Variants in C1QTNF3 observed in about 807,000 individuals in gnomAD.
The protein encoded by C1QTNF3 is C1q and TNF related 3.
In C1QTNF3, 26 loss-of-function variants were observed where a neutral mutation model predicts 32.6. The observed-to-expected ratio is 0.80, with a 90% CI of 0.58 to 1.11. The LOEUF is 1.11. C1QTNF3 is among the 50% of genes least tolerant of loss of function. C1QTNF3 has a pLI of 0.00. For synonymous variants in C1QTNF3, 155 were observed against 146.0 expected (o/e 1.06, Z -0.44); for missense variants, 362 against 398.2 (o/e 0.91, Z 0.77).
At chr5:34,061,669 G>C in the C1QTNF3 span, among the ~76,000 whole-genome samples, 2 of 152,172 alleles carry the variant, frequency 1.3e-5, no homozygotes, top group East Asian at 3.8e-4. Flanking sequence ...CCAGCTCTAT[G>C]TTGGCACCTT....
At chr5:34,159,281 A>G in the C1QTNF3 span, among the ~76,000 whole-genome samples, 1 of 152,134 alleles carries the variant, frequency 6.6e-6, no homozygotes, top group Admixed American at 6.5e-5. Context: ...AAACTTGAAC[A>G]AAGACATGCA....
the C1QTNF3 span, among the ~76,000 whole-genome samples, chr5:34,160,908 GA>G: frequency 4.0e-5 from 6 of 151,612 alleles, no homozygotes; most frequent in Admixed American, 2.0e-4. Context: ...TTTATATTGG[GA>G]AAAAAAAGAA....
upstream of C1QTNF3, among the ~76,000 whole-genome samples, chr5:34,045,125 A>C (rs762315540): frequency 7.2e-5 from 11 of 152,136 alleles, no homozygotes; most frequent in African/African-American, 2.7e-4. Flanking sequence ...AATCTAGGTC[A>C]CCCAATTCAC....
At chr5:34,056,477 T>TAGAG in the C1QTNF3 span, among the ~76,000 whole-genome samples, 47 of 87,238 alleles carry the variant, frequency 5.4e-4, no homozygotes, top group East Asian at 7.1e-4. Flanking sequence ...TATATATATA[T>TAGAG]ATAGAGAGAG....
intron 4 of C1QTNF3, among the ~76,000 whole-genome samples, chr5:34,028,129 C>T (rs299599): frequency 0.4 from 61,218 of 152,014 alleles, 13,615 homozygotes; most frequent in African/African-American, 0.58. Flanking sequence ...CCCGCCACCA[C>T]GCCCGGCTAA....
chr5:34,224,849 A>T, the C1QTNF3 span, among the ~76,000 whole-genome samples: 1 of 152,154 alleles, frequency 6.6e-6, no homozygotes, highest in Non-Finnish European at 1.5e-5. Context: ...AGAAACTACC[A>T]TCAGAGTGAA....
chr5:34,194,655 A>G, the C1QTNF3 span, among the ~76,000 whole-genome samples: 1 of 152,206 alleles, frequency 6.6e-6, no homozygotes, highest in Non-Finnish European at 1.5e-5. Flanking sequence ...CACCTATTAC[A>G]TATATTTTGT....
the C1QTNF3 span, among the ~76,000 whole-genome samples, chr5:34,227,682 T>G: frequency 6.6e-6 from 1 of 151,986 alleles, no homozygotes; most frequent in African/African-American, 2.4e-5. Flanking sequence ...TCTTTCATTC[T>G]ACTGGCAATG....
At chr5:34,169,096 T>C in the C1QTNF3 span, 2 of 152,276 alleles carry the variant, frequency 1.3e-5, no homozygotes, top group African/African-American at 4.8e-5. Flanking sequence ...CAAAGTACTC[T>C]CTTAGACGCA....
the C1QTNF3 span, among the ~76,000 whole-genome samples, chr5:34,183,160 G>A: frequency 1.1e-4 from 16 of 151,598 alleles, no homozygotes; most frequent in Non-Finnish European, 1.3e-4. Context: ...TGTATTGTTA[G>A]TAGAGACCGG....
At chr5:34,230,791 T>C in the C1QTNF3 span, among the ~76,000 whole-genome samples, 1 of 127,894 alleles carries the variant, frequency 7.8e-6, no homozygotes, top group East Asian at 2.1e-4. Flanking sequence ...AACCATATTT[T>C]TATCTTATTA....
upstream of C1QTNF3, among the ~76,000 whole-genome samples, chr5:34,046,297 C>T (rs1754985249): frequency 6.6e-6 from 1 of 152,178 alleles, no homozygotes; most frequent in Non-Finnish European, 1.5e-5. Flanking sequence ...TCATGAATTG[C>T]TGTTTGCTCA....
chr5:34,028,971 A>G (rs1461783820), intron 3 of C1QTNF3, 88 bp from the exon 4 acceptor site: 2 of 1,114,408 alleles, frequency 1.8e-6, no homozygotes, highest in South Asian at 1.6e-5. Context: ...AACATTATAC[A>G]TAACAGCAAG....
chr5:34,235,382 G>T, the C1QTNF3 span, among the ~76,000 whole-genome samples: 2 of 152,168 alleles, frequency 1.3e-5, no homozygotes, highest in South Asian at 4.1e-4. Context: ...GATGCTACTG[G>T]TATGTGGTGG....
the C1QTNF3 span, among the ~76,000 whole-genome samples, chr5:34,201,671 G>A: frequency 1.3e-5 from 2 of 152,148 alleles, no homozygotes; most frequent in African/African-American, 4.8e-5. Flanking sequence ...GGGCAGAGAA[G>A]GTTAACTGTC....
the C1QTNF3 span, among the ~76,000 whole-genome samples, chr5:34,091,584 A>AAGTGTTAT: frequency 6.6e-6 from 1 of 152,274 alleles, no homozygotes; most frequent in Admixed American, 6.5e-5. Flanking sequence ...ATTTGTATGA[A>AAGTGTTAT]AGTGTTATAT....
At chr5:34,235,551 T>C in the C1QTNF3 span, among the ~76,000 whole-genome samples, 4 of 148,396 alleles carry the variant, frequency 2.7e-5, no homozygotes, top group Admixed American at 2.0e-4. Context: ...TTTTTCTTTT[T>C]TTTTTTTTTT....
At chr5:34,046,446 G>A (rs1025264944), upstream of C1QTNF3, among the ~76,000 whole-genome samples, 2 of 152,202 alleles carry the variant, frequency 1.3e-5, no homozygotes, top group East Asian at 1.9e-4. Flanking sequence ...TAGACACAGA[G>A]GCAGACATGC....
the C1QTNF3 span, among the ~76,000 whole-genome samples, chr5:34,112,990 G>A: frequency 6.6e-6 from 1 of 151,200 alleles, no homozygotes; most frequent in Non-Finnish European, 1.5e-5. Flanking sequence ...GAAAGACAAA[G>A]ATAATCTAAT....
Sources: gnomAD v4.1 joint callset for allele counts (sites outside exome capture counted in the v4.1 genomes callset) on GRCh38, gnomAD v4.1.1 for gene constraint, MANE v1.5 for transcripts, NCBI Gene and HGNC (gene_info 2026-07-23, HGNC 2026-07-21) for gene names.